The following B3GALT1 variants were observed in gnomAD, a reference collection of about 807,000 sequenced individuals.
The protein encoded by B3GALT1 is beta-1,3-galactosyltransferase 1, also known as UDP-Gal:betaGlcNAc beta 1,3-galactosyltransferase, polypeptide 1.
In B3GALT1, 10 loss-of-function variants were observed where a neutral mutation model predicts 23.2. The observed-to-expected ratio is 0.43, with a 90% CI of 0.27 to 0.73. The LOEUF is 0.73. B3GALT1 is among the 30% of genes least tolerant of loss of function. The probability of loss-of-function intolerance (pLI) is 0.21; values close to 1 mark genes in which losing one functional copy is unlikely to be tolerated. For synonymous variants in B3GALT1, 156 were observed against 141.5 expected (o/e 1.10, Z -0.73); for missense variants, 299 against 405.4 (o/e 0.74, Z 2.25).
At chr2:167,670,676 A>G (rs1490683046) in intron 3 of B3GALT1, among the ~76,000 whole-genome samples, 5 of 152,222 alleles carry the variant, frequency 3.3e-5, no homozygotes, top group African/African-American at 1.2e-4. Flanking sequence ...AACAGTATAC[A>G]AATAAAATGA....
intron 1 of B3GALT1, among the ~76,000 whole-genome samples, chr2:167,399,006 C>G (rs1574063678): frequency 6.6e-6 from 1 of 152,304 alleles, no homozygotes; most frequent in East Asian, 1.9e-4. Context: ...ACAGGGTTCA[C>G]AGCAGTTTGA....
intron 1 of B3GALT1, among the ~76,000 whole-genome samples, chr2:167,483,295 AAAC>A (rs963904981): frequency 3.8e-4 from 58 of 152,292 alleles, no homozygotes; most frequent in African/African-American, 1.2e-3. Context: ...CTCCATCTCA[AAAC>A]AACAACAACA....
intron 2 of B3GALT1, among the ~76,000 whole-genome samples, chr2:167,623,613 G>A (rs1243304792): frequency 6.6e-6 from 1 of 152,038 alleles, no homozygotes; most frequent in African/African-American, 2.4e-5. Flanking sequence ...GGAGTGGGGG[G>A]CAAGGTGAGG....
intron 1 of B3GALT1, among the ~76,000 whole-genome samples, chr2:167,368,032 C>G (rs1437367390): frequency 6.6e-6 from 1 of 152,200 alleles, no homozygotes; most frequent in Non-Finnish European, 1.5e-5. Context: ...ATGCTCCTTC[C>G]TTTAGCAGCC....
At chr2:167,365,711 T>G (rs1697575238) in intron 1 of B3GALT1, among the ~76,000 whole-genome samples, 1 of 152,002 alleles carries the variant, frequency 6.6e-6, no homozygotes, top group African/African-American at 2.4e-5. Flanking sequence ...GCCATTTTAT[T>G]TCTTCTGGGT....
chr2:167,633,315 C>T (rs2390600), intron 2 of B3GALT1, among the ~76,000 whole-genome samples: 21 of 140,598 alleles, frequency 1.5e-4, no homozygotes, highest in African/African-American at 4.2e-4. Context: ...CAAAGGGAAC[C>T]GCCCATCAGA....
At chr2:167,412,347 C>A (rs934697043) in intron 1 of B3GALT1, among the ~76,000 whole-genome samples, 35 of 151,918 alleles carry the variant, frequency 2.3e-4, no homozygotes, top group Non-Finnish European at 1.0e-4. Context: ...ACATGCAAAA[C>A]CTTTATCAAG....
At chr2:167,652,967 T>A (rs1282536965) in intron 3 of B3GALT1, among the ~76,000 whole-genome samples, 1 of 152,152 alleles carries the variant, frequency 6.6e-6, no homozygotes. Context: ...TGTACATACG[T>A]GTGTGTCTTG....
At chr2:167,810,313 G>T (rs1688859690) in intron 3 of B3GALT1, among the ~76,000 whole-genome samples, 1 of 150,964 alleles carries the variant, frequency 6.6e-6, no homozygotes, top group Admixed American at 6.6e-5. Context: ...ACACTCTCCA[G>T]TGAGATGAAC....
At position 167,515,979 on chromosome 2, in the gene B3GALT1, A is replaced by G. The variant is rs181143423; in HGVS notation, c.-410+25702A>G. 1.1e-3 allele frequency among the ~76,000 whole-genome samples: 165 copies of G among 152,208 alleles called. 2 individuals carry two copies. The highest frequency in any genetic ancestry group is 3.7e-3 in the African/African-American group (155 of 41,562). Reference sequence around the variant, plus strand: ...GTATTCAGCGTATTCTAGCAATACTATTCTGAAGCAAGGATTAGGCAGAAT... The same window carrying G: ...GTATTCAGCGTATTCTAGCAATACTGTTCTGAAGCAAGGATTAGGCAGAAT... On this transcript the variant is annotated intron_variant, in intron 2 of 4. Coordinates refer to ENST00000392690, the MANE Select transcript of B3GALT1 (RefSeq NM_020981.4).
At chr2:167,605,539 G>A (rs1411842139) in intron 2 of B3GALT1, among the ~76,000 whole-genome samples, 1 of 152,136 alleles carries the variant, frequency 6.6e-6, no homozygotes, top group Admixed American at 6.5e-5. Flanking sequence ...TGTCCTGTGG[G>A]TTTCACATGG....
chr2:167,767,969 T>A (rs1408623739), intron 3 of B3GALT1, among the ~76,000 whole-genome samples: 2 of 150,780 alleles, frequency 1.3e-5, no homozygotes, highest in Non-Finnish European at 3.0e-5. Context: ...CTAGTCTGAG[T>A]CTGAAAGCCT....
intron 3 of B3GALT1, among the ~76,000 whole-genome samples, chr2:167,692,312 A>T (rs951089757): frequency 6.6e-6 from 1 of 152,102 alleles, no homozygotes; most frequent in Admixed American, 6.6e-5. Context: ...TATGTGTTTA[A>T]ATTGAGTCAA....
At chr2:167,774,415 C>T (rs755805366) in intron 3 of B3GALT1, among the ~76,000 whole-genome samples, 60 of 151,502 alleles carry the variant, frequency 4.0e-4, no homozygotes, top group Non-Finnish European at 1.5e-4. Context: ...TCTATGTGAA[C>T]CTGAAGGACC....
chr2:167,838,395 A>C (rs1183544512), intron 4 of B3GALT1, among the ~76,000 whole-genome samples: 1 of 152,298 alleles, frequency 6.6e-6, no homozygotes, highest in Non-Finnish European at 1.5e-5. Context: ...AATACTACAA[A>C]CACCTCTACG....
At chr2:167,538,793 G>A (rs1235807407) in intron 2 of B3GALT1, among the ~76,000 whole-genome samples, 1 of 152,060 alleles carries the variant, frequency 6.6e-6, no homozygotes, top group Non-Finnish European at 1.5e-5. Context: ...CAGATTTTTA[G>A]TAGAAGATTC....
Position 167,686,724 on chromosome 2 carries a change from C to T in B3GALT1, c.-352+39758C>T, listed in dbSNP as rs376133621. Among the ~76,000 whole-genome samples, 12 of 152,290 alleles carry T rather than the reference C, an allele frequency of 7.9e-5. No homozygotes were observed. The South Asian group carries it at 2.1e-3, about 26-fold the overall frequency. ...CAACATGTCCATGTGCACACTTACA[C>T]GCATACACACAGAGTAAATATATTT... is the stretch of plus-strand genomic sequence containing the variant. On this transcript the variant is annotated intron_variant, in intron 3 of 4. Transcript: ENST00000392690.
At chr2:167,715,504 T>C in intron 3 of B3GALT1, 1 of 1,611,976 alleles carries the variant, frequency 6.2e-7, no homozygotes, top group South Asian at 1.1e-5. Flanking sequence ...TGGCTTCAGC[T>C]ATTTGTGATT....
chr2:167,846,962 T>C (rs888148668), intron 4 of B3GALT1, among the ~76,000 whole-genome samples: 2 of 152,190 alleles, frequency 1.3e-5, no homozygotes, highest in African/African-American at 4.8e-5. Flanking sequence ...GCTATTCTTA[T>C]ATCAGACAAA....
Sources: gnomAD v4.1 joint callset for allele counts (sites outside exome capture counted in the v4.1 genomes callset) on GRCh38, gnomAD v4.1.1 for gene constraint, MANE v1.5 for transcripts, NCBI Gene and HGNC (gene_info 2026-07-23, HGNC 2026-07-21) for gene names.